The following LIMA1 variants were observed in gnomAD, a reference collection of about 807,000 sequenced individuals.
LIMA1 encodes the protein LIM domain and actin-binding protein 1.
LIMA1 carries 52 observed loss-of-function variants against 62.6 expected under a neutral mutation model. The ratio of observed to expected loss-of-function variants is 0.83; its 90% CI spans 0.67 to 1.05. The LOEUF is 1.05. Among genes scored for constraint, LIMA1 ranks in the 50% least tolerant of loss-of-function variants. The pLI, the probability that LIMA1 is intolerant of heterozygous loss-of-function variation, is 0.00. For missense variants in LIMA1, 780 were observed against 902.2 expected, an observed-to-expected ratio of 0.86 and a Z score of 1.74; for synonymous variants, 302 against 317.8, an observed-to-expected ratio of 0.95 and a Z score of 0.53.
intron 1 of LIMA1, among the ~76,000 whole-genome samples, chr12:50,279,876 A>C (rs1420560905): frequency 6.6e-6 from 1 of 152,166 alleles, no homozygotes; most frequent in African/African-American, 2.4e-5. Flanking sequence ...CATTAGCTTG[A>C]ATTTCAGTTT....
chr12:50,248,604 G>A (rs1941884055), intron 2 of LIMA1, 29 bp downstream of exon 2: 3 of 1,351,722 alleles, frequency 2.2e-6, no homozygotes, highest in South Asian at 1.2e-5. Flanking sequence ...CCAGACAGAT[G>A]GTCCTTTTGG....
chr12:50,210,792 G>A (rs904522561), intron 4 of LIMA1, among the ~76,000 whole-genome samples: 2 of 152,030 alleles, frequency 1.3e-5, no homozygotes, highest in African/African-American at 4.8e-5. Context: ...TGCTCCATGG[G>A]GGTATCAAAA....
At chr12:50,278,428 C>A in intron 1 of LIMA1, among the ~76,000 whole-genome samples, 1 of 152,196 alleles carries the variant, frequency 6.6e-6, no homozygotes, top group African/African-American at 2.4e-5. Flanking sequence ...TCTCAAAAAT[C>A]ATCATAATAA....
chr12:50,195,535 CA>C lies in LIMA1; in HGVS notation c.1030+294del, dbSNP rs1243198226. On this transcript the variant is annotated intron_variant, in intron 8 of 10. Coordinates refer to ENST00000341247, the MANE Select transcript of LIMA1 (RefSeq NM_016357.5). ...CCAAACTTCTGTTAAAATGAAACTT[CA>C]AAATTAGTTTATACAGCTTCAATTC... 2.3e-5 allele frequency: 6 copies of C among 264,394 alleles called. No homozygotes were observed. The East Asian group carries it at 4.2e-4, about 18-fold the overall frequency. The allele number at this position is 264,394 out of a possible 1,614,324, so 16.4% of individuals were successfully genotyped here. A position where few individuals can be genotyped will look rare whatever the true frequency, so the allele number is the denominator to read the frequency against.
intron 3 of LIMA1, among the ~76,000 whole-genome samples, chr12:50,227,517 C>T (rs79226057): frequency 1.4e-3 from 220 of 152,230 alleles, no homozygotes; most frequent in African/African-American, 5.1e-3. Flanking sequence ...TGTGAGCCAC[C>T]GTGCCAGGCC....
At chr12:50,242,413 T>C (rs1276674288) in intron 2 of LIMA1, among the ~76,000 whole-genome samples, 1 of 151,758 alleles carries the variant, frequency 6.6e-6, no homozygotes, top group Non-Finnish European at 1.5e-5. Context: ...TGGAAGGCAG[T>C]GGTGCAATCA....
At chr12:50,193,666 A>ATATT (rs1555204645) in intron 8 of LIMA1, among the ~76,000 whole-genome samples, 31 of 60,008 alleles carry the variant, frequency 5.2e-4, no homozygotes, top group African/African-American at 1.9e-3. Flanking sequence ...ATATATATAT[A>ATATT]TTTTTTTTTT....
At chr12:50,190,896 T>A (rs1940751845) in intron 9 of LIMA1, among the ~76,000 whole-genome samples, 1 of 150,682 alleles carries the variant, frequency 6.6e-6, no homozygotes, top group South Asian at 2.1e-4. Context: ...GGTGGGGGGA[T>A]TACTTGAAGC....
At chr12:50,273,162 C>T (rs940046082) in intron 1 of LIMA1, among the ~76,000 whole-genome samples, 1 of 151,906 alleles carries the variant, frequency 6.6e-6, no homozygotes, top group African/African-American at 2.4e-5. Flanking sequence ...GCCATGTTAG[C>T]CAGGCTGGTC....
intron 9 of LIMA1, among the ~76,000 whole-genome samples, chr12:50,182,439 A>G (rs1036579486): frequency 6.6e-6 from 1 of 152,206 alleles, no homozygotes; most frequent in African/African-American, 2.4e-5. Flanking sequence ...AAGTAAACAC[A>G]AGACAGATTC....
intron 2 of LIMA1, among the ~76,000 whole-genome samples, chr12:50,235,788 C>CA (rs1020396819): frequency 1.3e-5 from 2 of 152,014 alleles, no homozygotes; most frequent in Non-Finnish European, 2.9e-5. Flanking sequence ...ATATTACAGA[C>CA]AAAAAATTAA....
At chr12:50,271,092 A>AAAAC (rs900842433) in intron 1 of LIMA1, among the ~76,000 whole-genome samples, 22 of 151,624 alleles carry the variant, frequency 1.5e-4, no homozygotes, top group Non-Finnish European at 2.2e-4. Context: ...ACTCCGTCTC[A>AAAAC]AAACAAACAA....
chr12:50,261,040 ATATTTTTTTTT>A (rs1223439481), intron 1 of LIMA1, among the ~76,000 whole-genome samples: 12 of 48,914 alleles, frequency 2.5e-4, no homozygotes, highest in East Asian at 1.5e-3. Context: ...GCCATCTAGT[ATATTTTTTTTT>A]TTTTTTTTTT....
intron 2 of LIMA1, among the ~76,000 whole-genome samples, chr12:50,233,432 TGAGA>T (rs1220731595): frequency 2.0e-5 from 3 of 152,220 alleles, no homozygotes; most frequent in Non-Finnish European, 4.4e-5. Flanking sequence ...GCCAAATGGT[TGAGA>T]GATAGTCACA....
intron 1 of LIMA1, among the ~76,000 whole-genome samples, chr12:50,277,346 G>A (rs565686508): frequency 7.8e-4 from 118 of 151,988 alleles, no homozygotes; most frequent in African/African-American, 2.7e-3. Context: ...TTGCTACTCC[G>A]GTGGACACTG....
At chr12:50,223,620 T>C (rs1941483947) in intron 3 of LIMA1, among the ~76,000 whole-genome samples, 1 of 152,176 alleles carries the variant, frequency 6.6e-6, no homozygotes, top group Admixed American at 6.5e-5. Context: ...CACATTTACA[T>C]ATCTAAGAGA....
At chr12:50,251,871 C>T (rs1941935814) in intron 1 of LIMA1, among the ~76,000 whole-genome samples, 1 of 152,124 alleles carries the variant, frequency 6.6e-6, no homozygotes, top group Non-Finnish European at 1.5e-5. Context: ...CACTTGTCTT[C>T]ACAGAAGCAT....
chr12:50,213,607 A>G (rs1345670751), intron 4 of LIMA1, among the ~76,000 whole-genome samples: 1 of 152,220 alleles, frequency 6.6e-6, no homozygotes, highest in Non-Finnish European at 1.5e-5. Context: ...TTTCTCACTC[A>G]TTGTAACTCA....
chr12:50,260,817 G>T (rs1942056678), intron 1 of LIMA1, among the ~76,000 whole-genome samples: 1 of 147,012 alleles, frequency 6.8e-6, no homozygotes, highest in Non-Finnish European at 1.5e-5. Context: ...ACACATTTTG[G>T]AAAGAAAATA....
Sources: allele counts gnomAD v4.1 joint callset (sites outside exome capture counted in the v4.1 genomes callset), GRCh38; gene constraint gnomAD v4.1.1; transcripts MANE v1.5; gene names NCBI Gene and HGNC (gene_info 2026-07-23, HGNC 2026-07-21).